The following PIEZO2 variants were observed in gnomAD, a reference collection of about 807,000 sequenced individuals.
PIEZO2 encodes piezo type mechanosensitive ion channel component 2, also known as piezo-type mechanosensitive ion channel component 2.
PIEZO2 carries 172 observed loss-of-function variants against 337.3 expected under a neutral mutation model. That is an observed-to-expected ratio of 0.51 (90% confidence interval 0.45 to 0.58). The LOEUF (loss-of-function observed/expected upper bound fraction) is 0.58. Ranked by LOEUF, PIEZO2 falls within the 20% of genes least tolerant of loss-of-function variation. The pLI, the probability that PIEZO2 is intolerant of heterozygous loss-of-function variation, is 0.00. For missense variants in PIEZO2, 3,028 were observed against 3,391.3 expected, an observed-to-expected ratio of 0.89 and a Z score of 2.66; for synonymous variants, 1,251 against 1,228.5, an observed-to-expected ratio of 1.02 and a Z score of -0.38.
At chr18:10,764,342 TA>T (rs2038263851) in intron 21 of PIEZO2, among the ~76,000 whole-genome samples, 1 of 152,142 alleles carries the variant, frequency 6.6e-6, no homozygotes, top group Non-Finnish European at 1.5e-5. Flanking sequence ...ACTTGGCTTA[TA>T]AAACTATAAA....
In PIEZO2 at chr18:10,837,406, C is replaced by A. The variant is rs545048855; in HGVS notation, c.917+17947G>T. Among the ~76,000 whole-genome samples, 6 of 152,312 alleles carry A rather than the reference C, an allele frequency of 3.9e-5. No homozygotes were observed. Among genetic ancestry groups the A allele is most frequent in the African/African-American group, 1.4e-4 (6 of 41,584 alleles). ...CTCTCTCACCTTCCATACCACAGTG[C>A]TGATCCAGGTACCTGTAGAGTGCTC... On this transcript the variant is annotated intron_variant, in intron 7 of 55. Coordinates refer to ENST00000674853, the MANE Select transcript of PIEZO2 (RefSeq NM_001378183.1). The surrounding 1 kb of genome is among the most constrained non-coding windows in gnomAD (Gnocchi z 4.4).
intron 1 of PIEZO2, among the ~76,000 whole-genome samples, chr18:11,075,019 T>C (rs1375036617): frequency 2.6e-5 from 4 of 151,848 alleles, no homozygotes; most frequent in African/African-American, 9.7e-5. Flanking sequence ...GCCTTAAATG[T>C]TTAGAAGCTC....
intron 14 of PIEZO2, among the ~76,000 whole-genome samples, chr18:10,790,813 C>T (rs556052946): frequency 1.3e-5 from 2 of 151,288 alleles, no homozygotes; most frequent in East Asian, 3.9e-4. Flanking sequence ...TCACACCGTT[C>T]TCTTCCTCAG....
intron 1 of PIEZO2, among the ~76,000 whole-genome samples, chr18:11,079,568 G>A (rs1322022076): frequency 6.6e-6 from 1 of 152,138 alleles, no homozygotes; most frequent in Non-Finnish European, 1.5e-5. Context: ...AACAGGAGCT[G>A]TTTCCTGTTC....
intron 1 of PIEZO2, among the ~76,000 whole-genome samples, chr18:11,145,708 G>T (rs1229658754): frequency 1.3e-5 from 2 of 152,162 alleles, no homozygotes; most frequent in Non-Finnish European, 2.9e-5. Flanking sequence ...TTGCAGAAAA[G>T]AATCAAATGC....
chr18:10,711,473 G>A (rs2143842699), intron 39 of PIEZO2, among the ~76,000 whole-genome samples: 1 of 152,068 alleles, frequency 6.6e-6, no homozygotes, highest in South Asian at 2.1e-4. Flanking sequence ...TTTCCCTGTG[G>A]GAGACTATAT....
At chr18:10,790,534 T>C (rs144858012) in intron 14 of PIEZO2, among the ~76,000 whole-genome samples, 16 of 152,294 alleles carry the variant, frequency 1.1e-4, no homozygotes, top group South Asian at 6.2e-4. Context: ...TGTTTTTACA[T>C]TGTGGTATAC....
intron 1 of PIEZO2, among the ~76,000 whole-genome samples, chr18:11,090,888 T>C (rs1406725040): frequency 2.2e-4 from 31 of 139,310 alleles, no homozygotes; most frequent in Admixed American, 2.0e-3. Flanking sequence ...CACTCCAGCC[T>C]GGGCGACAGA....
intron 10 of PIEZO2, 73 bp from the exon 11 acceptor site, chr18:10,800,548 C>T: frequency 7.0e-7 from 1 of 1,437,360 alleles, no homozygotes; most frequent in African/African-American, 1.4e-5. Context: ...ACCCCCACTT[C>T]CCTTCCTCCA....
chr18:10,822,502 T>A (rs2040547281), intron 7 of PIEZO2, among the ~76,000 whole-genome samples: 1 of 152,174 alleles, frequency 6.6e-6, no homozygotes, highest in South Asian at 2.1e-4. Context: ...TGACACTTAG[T>A]TGGAGAAGCT....
chr18:11,081,894 G>A (rs2038755085), intron 1 of PIEZO2, among the ~76,000 whole-genome samples: 1 of 151,970 alleles, frequency 6.6e-6, no homozygotes, highest in African/African-American at 2.4e-5. Flanking sequence ...CGAGTAGCTG[G>A]GACTACAGGC....
At chr18:10,692,016 T>C (rs1201385143) in intron 47 of PIEZO2, among the ~76,000 whole-genome samples, 1 of 151,904 alleles carries the variant, frequency 6.6e-6, no homozygotes, top group Admixed American at 6.6e-5. Flanking sequence ...TGATAATTCT[T>C]CCTAGTTCTG....
intron 4 of PIEZO2, among the ~76,000 whole-genome samples, chr18:10,885,109 C>T (rs191440803): frequency 4.6e-5 from 7 of 152,152 alleles, no homozygotes; most frequent in East Asian, 1.9e-4. Flanking sequence ...CAACACCACA[C>T]GTGTGTGGCA....
At chr18:10,695,545 G>T (rs2035043509) in intron 47 of PIEZO2, among the ~76,000 whole-genome samples, 1 of 152,124 alleles carries the variant, frequency 6.6e-6, no homozygotes, top group East Asian at 1.9e-4. Context: ...CTGAGACATT[G>T]CTAGGTGCTT....
At chr18:11,066,049 A>G in intron 2 of PIEZO2, 78 bp downstream of exon 2, 1 of 1,181,830 alleles carries the variant, frequency 8.5e-7, no homozygotes, top group East Asian at 2.6e-5. Flanking sequence ...GCCATTAGAT[A>G]AAGGCCATCC....
Position 10,675,230 on chromosome 18 carries a change from G to A in PIEZO2, c.8140C>T (p.Pro2714Ser), listed in dbSNP as rs770324484. 1 of 1,555,340 alleles carries A rather than the reference G, an allele frequency of 6.4e-7. No homozygotes were observed. Among genetic ancestry groups the A allele is most frequent in the South Asian group, 1.2e-5 (1 of 83,280 alleles). The change falls in exon 54 of 56, where the codon CCT becomes TCT. Residue 2714 changes from proline to serine, a missense_variant. Physicochemically the swap from Pro to Ser is moderately conservative, Grantham distance 74. This residue lies in a region of PIEZO2 where 332 missense variants were observed against 363.8 expected (regional missense o/e 0.91). Coordinates refer to ENST00000674853, the MANE Select transcript of PIEZO2 (RefSeq NM_001378183.1). The part of the protein sequence containing the change: ...VKAPSDSNSK[P>S]IKQLLSENNF... Reference sequence around the variant, plus strand: ...TTACCAGATAAAAGTTGCTTTATAGGTTTTGAGTTAGAATCACTAGGTGCT... The same window carrying A: ...TTACCAGATAAAAGTTGCTTTATAGATTTTGAGTTAGAATCACTAGGTGCT...
chr18:10,717,352 G>T (rs550615454), intron 37 of PIEZO2, among the ~76,000 whole-genome samples: 19 of 152,260 alleles, frequency 1.2e-4, no homozygotes, highest in African/African-American at 4.6e-4. Context: ...GGACTGGCAC[G>T]GTGGAGGGCA....
Position 11,149,504 on chromosome 18 carries a change from C to T in PIEZO2, c.-916G>A, listed in dbSNP as rs2040899323. Among the ~76,000 whole-genome samples the T allele has an allele frequency of 6.6e-6, 1 of 152,028 alleles. No homozygotes were observed. The highest frequency in any genetic ancestry group is 2.4e-5 in the African/African-American group (1 of 41,440). ...CGCCCAGCGCGACCACCGCCTGCCGCCTTGCAGCCTCGCCCTCGCGGCGCA... is the reference window on the plus strand; with the variant it reads ...CGCCCAGCGCGACCACCGCCTGCCGTCTTGCAGCCTCGCCCTCGCGGCGCA... On this transcript the variant is annotated 5_prime_UTR_variant, in exon 1 of 56. Transcript: ENST00000674853. This position sits in a 1 kb window ranked among gnomAD's most constrained non-coding sequence, Gnocchi z 8.7.
rs2039511984 is a variant in PIEZO2, at chr18:11,104,714, G to T, written c.65-38492C>A. On this transcript the variant is annotated intron_variant, in intron 1 of 55. Transcript: ENST00000674853. The surrounding 1 kb of genome is among the most constrained non-coding windows in gnomAD (Gnocchi z 4.6). ...TGAGCCAAGATGCCATGAACATGCA[G>T]GGCAGGCAAGAAATTAACCTTTGTT... Among the ~76,000 whole-genome samples, 1 of 152,224 alleles carries T rather than the reference G, an allele frequency of 6.6e-6. No individual in the cohort carries two copies. The highest frequency in any genetic ancestry group is 2.4e-5 in the African/African-American group (1 of 41,454).
Sources: gnomAD v4.1 joint callset for allele counts (sites outside exome capture counted in the v4.1 genomes callset) on GRCh38, gnomAD v4.1.1 for gene constraint, gnomAD v4.1.1 regional missense constraint, Gnocchi (gnomAD v3.1) non-coding constraint, MANE v1.5 for transcripts, NCBI Gene and HGNC (gene_info 2026-07-23, HGNC 2026-07-21) for gene names.